ADAMTSL1: variants seen among roughly 807,000 people sequenced by gnomAD.
The protein encoded by ADAMTSL1 is ADAMTS-like protein 1.
Under a neutral mutation model 201.8 loss-of-function variants are expected in ADAMTSL1, and 126 were observed. The ratio of observed to expected loss-of-function variants is 0.62; its 90% confidence interval spans 0.54 to 0.72. The LOEUF (loss-of-function observed/expected upper bound fraction) is 0.72. Ranked by LOEUF, ADAMTSL1 falls within the 30% of genes least tolerant of loss-of-function variation. ADAMTSL1 has a pLI of 0.00. For missense variants in ADAMTSL1, 2,679 were observed against 2,277.8 expected (o/e 1.18, Z -3.59); for synonymous variants, 1,121 against 903.4 (o/e 1.24, Z -4.32).
intron 15 of ADAMTSL1, among the ~76,000 whole-genome samples, chr9:18,725,917 T>C: frequency 6.6e-6 from 1 of 152,330 alleles, no homozygotes; most frequent in African/African-American, 2.4e-5. Flanking sequence ...CATTTAATAT[T>C]ATGCACTAAA....
chr9:18,753,560 A>C (rs1462095528), intron 16 of ADAMTSL1, 52 bp downstream of exon 16: 3 of 1,549,748 alleles, frequency 1.9e-6, no homozygotes, highest in Non-Finnish European at 2.6e-6. Flanking sequence ...ACAGTGACTC[A>C]AAAAAGGGAT....
chr9:18,265,765 C>G (rs1198116917), intron 2 of ADAMTSL1, among the ~76,000 whole-genome samples: 1 of 151,924 alleles, frequency 6.6e-6, no homozygotes, highest in Non-Finnish European at 1.5e-5. Flanking sequence ...GTATACAGTT[C>G]TAAAAGAAAG....
chr9:18,881,934 C>T (rs1386707298), intron 23 of ADAMTSL1, among the ~76,000 whole-genome samples: 1 of 152,124 alleles, frequency 6.6e-6, no homozygotes, highest in Admixed American at 6.5e-5. Flanking sequence ...GGGAACAAGA[C>T]CAAGACCCAA....
chr9:18,335,236 C>T (rs964818958), intron 2 of ADAMTSL1, among the ~76,000 whole-genome samples: 11 of 151,994 alleles, frequency 7.2e-5, no homozygotes, highest in African/African-American at 2.4e-4. Context: ...GAACATGTCC[C>T]TAAAGTTATT....
At chr9:18,149,955 G>A (rs1336028582) in intron 1 of ADAMTSL1, among the ~76,000 whole-genome samples, 1 of 152,006 alleles carries the variant, frequency 6.6e-6, no homozygotes, top group Non-Finnish European at 1.5e-5. Context: ...GGATTACCTG[G>A]GAGGATGTGG....
chr9:18,010,339 A>G (rs755214215), intron 1 of ADAMTSL1, among the ~76,000 whole-genome samples: 2 of 152,088 alleles, frequency 1.3e-5, no homozygotes, highest in Non-Finnish European at 2.9e-5. Context: ...AATCACTTAC[A>G]TGTATATTAC....
At chr9:18,688,623 T>A (rs2507118) in intron 13 of ADAMTSL1, among the ~76,000 whole-genome samples, 65,499 of 121,942 alleles carry the variant, frequency 0.54, 17,734 homozygotes, top group East Asian at 0.7. Context: ...AGCTGAGATC[T>A]TGCCACCAAA....
At chr9:18,331,389 A>G (rs139537692) in intron 2 of ADAMTSL1, among the ~76,000 whole-genome samples, 41 of 152,330 alleles carry the variant, frequency 2.7e-4, no homozygotes, top group East Asian at 1.7e-3. Context: ...GTGTTGGCCT[A>G]TGGTTTTTAA....
At chr9:18,305,904 C>T (rs748525734) in intron 2 of ADAMTSL1, among the ~76,000 whole-genome samples, 19 of 151,992 alleles carry the variant, frequency 1.3e-4, no homozygotes, top group Non-Finnish European at 2.4e-4. Flanking sequence ...CTCCATGACT[C>T]CTGACTGAGA....
intron 15 of ADAMTSL1, among the ~76,000 whole-genome samples, chr9:18,749,480 T>C (rs10756986): frequency 0.57 from 87,101 of 151,826 alleles, 25,215 homozygotes; most frequent in South Asian, 0.64. Context: ...CTAGACCAGA[T>C]CCCCTGTCCT....
chr9:18,148,029 A>G (rs577905292), intron 1 of ADAMTSL1, among the ~76,000 whole-genome samples: 1 of 152,226 alleles, frequency 6.6e-6, no homozygotes, highest in South Asian at 2.1e-4. Flanking sequence ...AGCACCTGAC[A>G]CAGCTCTTAT....
chr9:18,412,972 G>A (rs538397302), intron 2 of ADAMTSL1, among the ~76,000 whole-genome samples: 2 of 152,176 alleles, frequency 1.3e-5, no homozygotes, highest in South Asian at 4.1e-4. Flanking sequence ...ATCTATGTGT[G>A]TGTGTTTTCT....
chr9:18,536,785 T>C (rs895840359), intron 3 of ADAMTSL1, among the ~76,000 whole-genome samples: 2 of 152,124 alleles, frequency 1.3e-5, no homozygotes, highest in African/African-American at 4.8e-5. Flanking sequence ...GTCTCAGAGA[T>C]TTCACCACAA....
chr9:18,390,789 C>CA (rs547200629), intron 2 of ADAMTSL1, among the ~76,000 whole-genome samples: 7 of 151,532 alleles, frequency 4.6e-5, no homozygotes, highest in Admixed American at 2.0e-4. Context: ...TACAAAAATA[C>CA]AAAAAAACAA....
intron 2 of ADAMTSL1, among the ~76,000 whole-genome samples, chr9:18,325,153 G>A (rs781444580): frequency 1.3e-5 from 2 of 152,104 alleles, no homozygotes; most frequent in Non-Finnish European, 2.9e-5. Context: ...TATGTGAAGT[G>A]GTATAACCAC....
At chr9:18,844,297 C>A (rs545846579) in intron 23 of ADAMTSL1, among the ~76,000 whole-genome samples, 3 of 152,190 alleles carry the variant, frequency 2.0e-5, no homozygotes, top group African/African-American at 7.2e-5. Context: ...TGCTAGAGGT[C>A]CACTCCAGAC....
intron 1 of ADAMTSL1, among the ~76,000 whole-genome samples, chr9:18,085,704 A>G (rs1587010167): frequency 6.6e-6 from 1 of 151,022 alleles, no homozygotes; most frequent in East Asian, 2.0e-4. Flanking sequence ...GTGTATATAT[A>G]TATACTGTGT....
chr9:18,573,577 A>T (rs113069779), intron 3 of ADAMTSL1, among the ~76,000 whole-genome samples: 20 of 152,220 alleles, frequency 1.3e-4, no homozygotes, highest in Non-Finnish European at 2.8e-4. Flanking sequence ...AATTTTTATA[A>T]CTTTTTACTG....
intron 4 of ADAMTSL1, among the ~76,000 whole-genome samples, chr9:18,607,149 T>C (rs1478269324): frequency 6.6e-6 from 1 of 152,218 alleles, no homozygotes; most frequent in Admixed American, 6.5e-5. Context: ...GGGGAGCATG[T>C]TCATAAAAAT....
Sources: gnomAD v4.1 joint callset for allele counts (sites outside exome capture counted in the v4.1 genomes callset) on GRCh38, gnomAD v4.1.1 for gene constraint, MANE v1.5 for transcripts, NCBI Gene and HGNC (gene_info 2026-07-23, HGNC 2026-07-21) for gene names.